Variants in ADAMTS3 observed in about 807,000 individuals in gnomAD.
ADAMTS3 encodes the protein A disintegrin and metalloproteinase with thrombospondin motifs 3.
In ADAMTS3, 73 loss-of-function variants were observed where a neutral mutation model predicts 129.0. That is an observed-to-expected ratio of 0.57 (90% CI 0.47 to 0.69). The LOEUF (loss-of-function observed/expected upper bound fraction) is 0.69, where lower values mean the gene tolerates loss of function less well. Among genes scored for constraint, ADAMTS3 ranks in the 30% least tolerant of loss-of-function variants. The pLI is 0.00. For missense variants in ADAMTS3, 1,457 were observed against 1,514.5 expected (o/e 0.96, Z 0.63); for synonymous variants, 477 against 510.8 (o/e 0.93, Z 0.89).
chr4:72,330,441 T>C (rs1174972552), intron 5 of ADAMTS3: 1 of 152,212 alleles, frequency 6.6e-6, no homozygotes, highest in Non-Finnish European at 1.5e-5. Context: ...AGCACACCCA[T>C]CTTCTCTCTA....
At chr4:72,474,991 C>A (rs1379716934) in intron 3 of ADAMTS3, among the ~76,000 whole-genome samples, 1 of 149,828 alleles carries the variant, frequency 6.7e-6, no homozygotes, top group Non-Finnish European at 1.5e-5. Flanking sequence ...CCCGCCACTG[C>A]ACTCCAGCCT....
rs563754024 is a variant in ADAMTS3 at position 72,285,284 on chromosome 4, T to C, written c.3050-1580A>G. Among the ~76,000 whole-genome samples, 8 of 152,354 alleles carry C rather than the reference T, an allele frequency of 5.3e-5. No individual in the cohort carries two copies. In the East Asian group the frequency reaches 1.5e-3, roughly 29 times the overall value. On this transcript the variant is annotated intron_variant, in intron 21 of 21. Coordinates refer to ENST00000286657, the MANE Select transcript of ADAMTS3 (RefSeq NM_014243.3). ...GGTCTATTATATGGTATAATGTGTCTGAATACTTCATATAAGCTAGGTCAT... is the reference window on the plus strand; with the variant it reads ...GGTCTATTATATGGTATAATGTGTCCGAATACTTCATATAAGCTAGGTCAT...
intron 3 of ADAMTS3, among the ~76,000 whole-genome samples, chr4:72,500,966 G>T (rs952550495): frequency 2.0e-5 from 3 of 151,962 alleles, no homozygotes; most frequent in Admixed American, 6.6e-5. Flanking sequence ...TGTTCCATTG[G>T]TCTATTTGTC....
Position 72,548,501 on chromosome 4 carries a change from C to A in ADAMTS3, c.481G>T (p.Ala161Ser), listed in dbSNP as rs1287806190. Residue 161 changes from alanine (A) to serine (S), a missense_variant, in exon 3 of 22, where the codon GCC (alanine) becomes TCC (serine). Transcript: ENST00000286657. The part of the protein sequence containing the change: ...DIVDIPGTSV[A>S]ISNCDGLAGM... The stretch of plus-strand genomic sequence containing the variant: ...ACCAGACCATCACAGTTGCTGATGG[C>A]AACAGAGGTTCCTGGAATGTCCACG... 1.2e-6 allele frequency: 2 copies of A among 1,613,780 alleles called. No homozygotes were observed. The highest frequency in any genetic ancestry group is 2.2e-5 in the East Asian group (1 of 44,862).
intron 4 of ADAMTS3, among the ~76,000 whole-genome samples, chr4:72,383,782 T>C (rs895297746): frequency 1.3e-5 from 2 of 152,074 alleles, no homozygotes; most frequent in African/African-American, 4.8e-5. Flanking sequence ...TAAGAAACAA[T>C]TCAAAATTAG....
intron 21 of ADAMTS3, among the ~76,000 whole-genome samples, chr4:72,287,039 G>A (rs965582175): frequency 5.3e-5 from 8 of 152,068 alleles, no homozygotes; most frequent in Non-Finnish European, 7.4e-5. Flanking sequence ...TCACGGCAAT[G>A]GTACTAACAG....
At chr4:72,320,399 A>G (rs1017892246) in intron 7 of ADAMTS3, among the ~76,000 whole-genome samples, 2 of 152,214 alleles carry the variant, frequency 1.3e-5, no homozygotes. Context: ...GGCAGCAGTC[A>G]TTTCTCATGG....
At chr4:72,408,240 G>T (rs1578654405) in intron 4 of ADAMTS3, among the ~76,000 whole-genome samples, 1 of 151,600 alleles carries the variant, frequency 6.6e-6, no homozygotes, top group Non-Finnish European at 1.5e-5. Flanking sequence ...TTCTTTAACA[G>T]ACACCATCAA....
At chr4:72,507,295 AC>A (rs1417375510) in intron 3 of ADAMTS3, among the ~76,000 whole-genome samples, 2 of 152,046 alleles carry the variant, frequency 1.3e-5, no homozygotes, top group Admixed American at 1.3e-4. Flanking sequence ...TCGGAGGGCA[AC>A]CCCTGCTGAG....
At chr4:72,479,683 A>C (rs1454780400) in intron 3 of ADAMTS3, among the ~76,000 whole-genome samples, 2 of 152,172 alleles carry the variant, frequency 1.3e-5, no homozygotes, top group Admixed American at 6.5e-5. Context: ...CAAAAGACAA[A>C]ATTAACAAAT....
intron 2 of ADAMTS3, among the ~76,000 whole-genome samples, chr4:72,556,181 G>C (rs896603127): frequency 1.3e-5 from 2 of 151,616 alleles, no homozygotes; most frequent in Non-Finnish European, 1.5e-5. Flanking sequence ...CTGTCTGGAA[G>C]TGGAGCTTCT....
chr4:72,516,743 C>T (rs1720494232), intron 3 of ADAMTS3, among the ~76,000 whole-genome samples: 1 of 152,006 alleles, frequency 6.6e-6, no homozygotes, highest in South Asian at 2.1e-4. Flanking sequence ...TGGGCTGAGA[C>T]AATGGGGTTT....
chr4:72,490,595 A>T (rs1163225135), intron 3 of ADAMTS3, among the ~76,000 whole-genome samples: 1 of 151,872 alleles, frequency 6.6e-6, no homozygotes, highest in East Asian at 1.9e-4. Context: ...AGCACCATTT[A>T]TTGGACATTG....
chr4:72,418,045 A>G (rs1021058356), intron 3 of ADAMTS3, among the ~76,000 whole-genome samples: 2 of 152,142 alleles, frequency 1.3e-5, no homozygotes, highest in Admixed American at 1.3e-4. Flanking sequence ...AGTTGAATAA[A>G]TAAAATACAT....
intron 3 of ADAMTS3, among the ~76,000 whole-genome samples, chr4:72,480,300 G>A (rs979548074): frequency 3.9e-5 from 6 of 152,108 alleles, no homozygotes; most frequent in Admixed American, 1.3e-4. Flanking sequence ...CAACCCAAAC[G>A]TCCAACAATG....
intron 3 of ADAMTS3, among the ~76,000 whole-genome samples, chr4:72,470,433 C>T (rs1326793200): frequency 6.7e-6 from 1 of 148,772 alleles, no homozygotes; most frequent in Non-Finnish European, 1.5e-5. Context: ...ATATACATCT[C>T]ATGTATAATA....
chr4:72,318,529 A>G (rs1175704536), intron 10 of ADAMTS3, 43 bp downstream of exon 10: 1 of 1,602,124 alleles, frequency 6.2e-7, no homozygotes, highest in Admixed American at 1.7e-5. Context: ...CTACACAAAT[A>G]GATTTCGAGC....
intron 3 of ADAMTS3, among the ~76,000 whole-genome samples, chr4:72,417,783 A>T (rs997781344): frequency 6.6e-6 from 1 of 151,388 alleles, no homozygotes; most frequent in African/African-American, 2.4e-5. Flanking sequence ...ACAAAAAAAA[A>T]TTTGCCAGGC....
chr4:72,388,376 G>A (rs1167820575), intron 4 of ADAMTS3, among the ~76,000 whole-genome samples: 1 of 152,120 alleles, frequency 6.6e-6, no homozygotes, highest in Non-Finnish European at 1.5e-5. Context: ...CCTGTATATT[G>A]AGGCCCCTCT....
Sources: allele counts gnomAD v4.1 joint callset (sites outside exome capture counted in the v4.1 genomes callset), GRCh38; gene constraint gnomAD v4.1.1; transcripts MANE v1.5; gene names NCBI Gene and HGNC (gene_info 2026-07-23, HGNC 2026-07-21).